MITF: variants seen among roughly 807,000 people sequenced by gnomAD.
MITF encodes the protein microphthalmia-associated transcription factor.
In MITF, 17 loss-of-function variants were observed where a neutral mutation model predicts 60.5. The observed-to-expected ratio is 0.28, with a 90% CI of 0.19 to 0.42. MITF has a LOEUF of 0.42. Among genes scored for constraint, MITF ranks in the 10% least tolerant of loss-of-function variants. The pLI is 1.00. For missense variants in MITF, 622 were observed against 683.5 expected (o/e 0.91, Z 1.00); for synonymous variants, 260 against 248.5 (o/e 1.05, Z -0.43).
chr3:69,825,961 T>C (rs907706266), intron 1 of MITF, among the ~76,000 whole-genome samples: 2 of 152,228 alleles, frequency 1.3e-5, no homozygotes, highest in African/African-American at 4.8e-5. Context: ...ATATATACTT[T>C]AAAATTAAAT....
chr3:69,831,464 C>T (rs2107099079), intron 1 of MITF, among the ~76,000 whole-genome samples: 1 of 152,286 alleles, frequency 6.6e-6, no homozygotes, highest in South Asian at 2.1e-4. Flanking sequence ...TTGTCACTAT[C>T]ATAGTAATAC....
chr3:69,804,683 T>C (rs1347964871), intron 1 of MITF, among the ~76,000 whole-genome samples: 5 of 152,244 alleles, frequency 3.3e-5, no homozygotes, highest in Non-Finnish European at 7.3e-5. Context: ...CTCTAACATG[T>C]ATCATTTCAA....
intron 2 of MITF, among the ~76,000 whole-genome samples, chr3:69,917,423 C>T (rs1442767792): frequency 1.4e-5 from 2 of 147,348 alleles, no homozygotes; most frequent in Non-Finnish European, 3.0e-5. Context: ...TAAAGTCAGC[C>T]TGGCTTATGA....
chr3:69,849,697 A>G (rs1490638502), intron 1 of MITF, among the ~76,000 whole-genome samples: 1 of 152,186 alleles, frequency 6.6e-6, no homozygotes, highest in Non-Finnish European at 1.5e-5. Flanking sequence ...CATCCTTGCT[A>G]CATCCTTTCT....
chr3:69,956,794 A>G (rs2066409878), intron 8 of MITF, among the ~76,000 whole-genome samples: 1 of 152,148 alleles, frequency 6.6e-6, no homozygotes, highest in African/African-American at 2.4e-5. Context: ...AAACCTAAGA[A>G]TTCTTTGCAA....
At position 69,904,114 on chromosome 3, in the gene MITF, C is replaced by T. The variant is rs184860240; in HGVS notation, c.354+24731C>T. 2.6e-5 allele frequency among the ~76,000 whole-genome samples: 4 copies of T among 152,062 alleles called. No homozygotes were observed. The East Asian group carries it at 7.8e-4, about 30-fold the overall frequency. ...CATGATTAGCTTGAACCAGTATCAC[C>T]CATAATTTTTTTATTAATTATTGCC... On this transcript the variant is annotated intron_variant, in intron 2 of 9. Coordinates refer to ENST00000352241, the MANE Select transcript of MITF (RefSeq NM_001354604.2).
chr3:69,923,768 C>T (rs2065522585), intron 2 of MITF, among the ~76,000 whole-genome samples: 1 of 152,172 alleles, frequency 6.6e-6, no homozygotes, highest in African/African-American at 2.4e-5. Context: ...ATTTTTATCA[C>T]ACAAATCCAA....
At chr3:69,904,351 T>C (rs1341620782) in intron 2 of MITF, among the ~76,000 whole-genome samples, 1 of 152,182 alleles carries the variant, frequency 6.6e-6, no homozygotes, top group African/African-American at 2.4e-5. Flanking sequence ...TGTTTGATCA[T>C]ATTTAGATTT....
At chr3:69,806,325 G>A (rs1436283444) in intron 1 of MITF, among the ~76,000 whole-genome samples, 1 of 151,946 alleles carries the variant, frequency 6.6e-6, no homozygotes, top group Non-Finnish European at 1.5e-5. Context: ...GACCTCAAGT[G>A]ATCACCTGCC....
chr3:69,798,138 T>G (rs115474288), intron 1 of MITF, among the ~76,000 whole-genome samples: 11 of 152,144 alleles, frequency 7.2e-5, no homozygotes, highest in African/African-American at 2.4e-4. Flanking sequence ...ATGTGTAAAG[T>G]GGGGATAATG....
chr3:69,950,281 A>G (rs191074136), intron 6 of MITF, among the ~76,000 whole-genome samples: 1 of 151,886 alleles, frequency 6.6e-6, no homozygotes, highest in Admixed American at 6.6e-5. Flanking sequence ...GGCAAGAGGA[A>G]TGAGTCCTGT....
intron 5 of MITF, among the ~76,000 whole-genome samples, chr3:69,943,460 A>G (rs1246558916): frequency 1.3e-5 from 2 of 152,134 alleles, no homozygotes; most frequent in Non-Finnish European, 2.9e-5. Flanking sequence ...TACCTATATT[A>G]TGTGGTCAAC....
At chr3:69,835,463 A>C (rs879316700) in intron 1 of MITF, among the ~76,000 whole-genome samples, 1 of 152,056 alleles carries the variant, frequency 6.6e-6, no homozygotes, top group Non-Finnish European at 1.5e-5. Context: ...TTGCTTTGCA[A>C]AAGCTTTTTA....
intron 1 of MITF, among the ~76,000 whole-genome samples, chr3:69,817,214 T>G (rs2063195639): frequency 6.6e-6 from 1 of 152,206 alleles, no homozygotes; most frequent in Non-Finnish European, 1.5e-5. Context: ...TTATTATTAT[T>G]TTTTATTCTA....
intron 1 of MITF, among the ~76,000 whole-genome samples, chr3:69,751,885 G>T (rs540892384): frequency 6.3e-4 from 96 of 152,246 alleles, no homozygotes; most frequent in Non-Finnish European, 9.4e-4. Flanking sequence ...GAATGGTTTA[G>T]CACTATCCCC....
intron 2 of MITF, among the ~76,000 whole-genome samples, chr3:69,903,391 G>A (rs929955395): frequency 6.6e-6 from 1 of 152,156 alleles, no homozygotes; most frequent in African/African-American, 2.4e-5. Flanking sequence ...CCTATTGGTT[G>A]TCCTCTGTTC....
Position 69,879,253 on chromosome 3 carries a change from A to G in MITF, c.224A>G (p.Glu75Gly), listed in dbSNP as rs752303154. The G allele has an allele frequency of 3.1e-6, 5 of 1,614,110 alleles. No individual in the cohort carries two copies. In the African/African-American group the frequency reaches 6.7e-5, roughly 22 times the overall value. ...REQMQEQERR[E>G]QQQKLQAAQF... is the part of the protein sequence containing the mutation. ...CAGATGCAGGAGCAGGAGCGCAGGG[A>G]GCAGCAGCAGAAGCTGCAGGCGGCC... The change falls in exon 2 of 10, where the codon GAG (glutamate) becomes GGG (glycine). Residue 75 changes from glutamate to glycine, a missense_variant. Glu to Gly is a moderately conservative substitution (Grantham distance 98, BLOSUM62 -2). Coordinates refer to ENST00000352241, the MANE Select transcript of MITF (RefSeq NM_001354604.2).
At chr3:69,747,006 G>T (rs533856618) in intron 1 of MITF, among the ~76,000 whole-genome samples, 1 of 152,320 alleles carries the variant, frequency 6.6e-6, no homozygotes, top group East Asian at 1.9e-4. Flanking sequence ...GCTGTGAAGA[G>T]TAGAGAAGTA....
Position 69,798,138 on chromosome 3 carries a change from T to C in MITF, c.104+58437T>C, listed in dbSNP as rs115474288. Among the ~76,000 whole-genome samples the C allele has an allele frequency of 8.9e-3, 1,358 of 152,258 alleles. 25 individuals carry two copies. Among genetic ancestry groups the C allele is most frequent in the African/African-American group, 0.031 (1,290 of 41,542 alleles). ...TGCCTCAGTCTCCCCATGTGTAAAG[T>C]GGGGATAATGCTACCTACATCATGC... On this transcript the variant is annotated intron_variant, in intron 1 of 9. Coordinates refer to ENST00000352241, the MANE Select transcript of MITF (RefSeq NM_001354604.2).
Sources: allele counts gnomAD v4.1 joint callset (sites outside exome capture counted in the v4.1 genomes callset), GRCh38; gene constraint gnomAD v4.1.1; transcripts MANE v1.5; gene names NCBI Gene and HGNC (gene_info 2026-07-23, HGNC 2026-07-21).